The following UNC13C variants were observed in gnomAD, a reference collection of about 807,000 sequenced individuals.
UNC13C encodes unc-13 homolog C, also known as protein unc-13 homolog C.
UNC13C carries 174 observed loss-of-function variants against 245.4 expected under a neutral mutation model. That is an observed-to-expected ratio of 0.71 (90% CI 0.63 to 0.80). The LOEUF (loss-of-function observed/expected upper bound fraction) is 0.80. Among genes scored for constraint, UNC13C ranks in the 30% least tolerant of loss-of-function variants. The pLI, the probability that UNC13C is intolerant of heterozygous loss-of-function variation, is 0.00. For missense variants in UNC13C, 2,829 were observed against 2,602.9 expected, an observed-to-expected ratio of 1.09 and a Z score of -1.89; for synonymous variants, 992 against 895.1, an observed-to-expected ratio of 1.11 and a Z score of -1.93.
chr15:54,076,001 G>A (rs1898592682), intron 2 of UNC13C, among the ~76,000 whole-genome samples: 1 of 149,798 alleles, frequency 6.7e-6, no homozygotes, highest in East Asian at 2.0e-4. Context: ...TGATTGCAGT[G>A]CACTTCAGAA....
intron 2 of UNC13C, among the ~76,000 whole-genome samples, chr15:54,026,112 A>T (rs1318406289): frequency 6.6e-6 from 1 of 152,220 alleles, no homozygotes; most frequent in Non-Finnish European, 1.5e-5. Flanking sequence ...TTACTATCTG[A>T]GAGAAATGGA....
chr15:53,847,502 G>A, the UNC13C span, among the ~76,000 whole-genome samples: 2 of 150,426 alleles, frequency 1.3e-5, no homozygotes, highest in African/African-American at 2.4e-5. Flanking sequence ...GATTACAGGT[G>A]TCCACCACCA....
At chr15:54,015,995 G>A (rs753787726) in intron 2 of UNC13C, 109 bp downstream of exon 2, 11 of 953,540 alleles carry the variant, frequency 1.2e-5, no homozygotes, top group African/African-American at 1.7e-5. Context: ...TACTTGCAAT[G>A]ACTTTCCATG....
At chr15:54,220,586 T>TA (rs1567109868) in intron 4 of UNC13C, among the ~76,000 whole-genome samples, 1 of 150,818 alleles carries the variant, frequency 6.6e-6, no homozygotes, top group Non-Finnish European at 1.5e-5. Context: ...CCCTAAAACT[T>TA]AAAGTATAAT....
At chr15:54,170,807 C>T (rs887324065) in intron 4 of UNC13C, among the ~76,000 whole-genome samples, 1 of 152,064 alleles carries the variant, frequency 6.6e-6, no homozygotes, top group African/African-American at 2.4e-5. Context: ...CTCATTCTTT[C>T]GCAGATACCT....
intron 2 of UNC13C, among the ~76,000 whole-genome samples, chr15:54,130,078 T>A (rs926363793): frequency 7.8e-6 from 1 of 128,724 alleles, no homozygotes; most frequent in Non-Finnish European, 1.7e-5. Context: ...TTAGTTTTAA[T>A]TTTTATTAAT....
At chr15:53,969,706 TCGAA>T in the UNC13C span, among the ~76,000 whole-genome samples, 2 of 129,550 alleles carry the variant, frequency 1.5e-5, no homozygotes, top group Non-Finnish European at 3.4e-5. Context: ...AAAAAAAAAA[TCGAA>T]CGAACAAACA....
intron 2 of UNC13C, among the ~76,000 whole-genome samples, chr15:54,098,257 C>T (rs528370509): frequency 6.6e-6 from 1 of 152,250 alleles, no homozygotes; most frequent in South Asian, 2.1e-4. Context: ...TCACTGCAAC[C>T]TCTGCCTGCT....
chr15:54,147,789 C>CGTGCGTGTGTGTGT (rs1555423229), intron 4 of UNC13C, among the ~76,000 whole-genome samples: 12 of 147,476 alleles, frequency 8.1e-5, no homozygotes, highest in African/African-American at 3.0e-4. Flanking sequence ...AAGGTGTGTG[C>CGTGCGTGTGTGTGT]GTGTGTGTGT....
At chr15:54,586,858 A>G (rs1898519467) in intron 30 of UNC13C, among the ~76,000 whole-genome samples, 1 of 152,230 alleles carries the variant, frequency 6.6e-6, no homozygotes, top group African/African-American at 2.4e-5. Context: ...CATTCCTGAT[A>G]ATTTGGAAAG....
chr15:54,180,165 C>CTCT (rs1567073605), intron 4 of UNC13C, among the ~76,000 whole-genome samples: 1 of 151,800 alleles, frequency 6.6e-6, no homozygotes, highest in Admixed American at 6.6e-5. Context: ...TTCTCTTCTC[C>CTCT]GCTCTGATAG....
chr15:54,511,079 A>G (rs564524998), intron 23 of UNC13C, among the ~76,000 whole-genome samples: 1 of 152,284 alleles, frequency 6.6e-6, no homozygotes, highest in East Asian at 1.9e-4. Context: ...AAAGAGACAC[A>G]GCAGCATGTA....
intron 2 of UNC13C, among the ~76,000 whole-genome samples, chr15:54,065,446 A>C (rs937939879): frequency 6.6e-6 from 1 of 152,230 alleles, no homozygotes; most frequent in East Asian, 1.9e-4. Flanking sequence ...TGCTAAGGTG[A>C]CACAGAATAT....
intron 2 of UNC13C, among the ~76,000 whole-genome samples, chr15:54,039,415 G>T (rs1896721113): frequency 6.6e-6 from 1 of 152,068 alleles, no homozygotes; most frequent in East Asian, 1.9e-4. Context: ...ACATGCCATT[G>T]GTGTTGCATA....
At chr15:54,246,257 A>C (rs1277410116) in intron 7 of UNC13C, among the ~76,000 whole-genome samples, 1 of 152,194 alleles carries the variant, frequency 6.6e-6, no homozygotes, top group Non-Finnish European at 1.5e-5. Flanking sequence ...GGGTGTGAGC[A>C]TCCTCCCCAG....
At chr15:53,989,955 A>C (rs1023012763) in intron 1 of UNC13C, among the ~76,000 whole-genome samples, 3 of 151,918 alleles carry the variant, frequency 2.0e-5, no homozygotes, top group Admixed American at 2.0e-4. Context: ...ATGATTCCAT[A>C]TTTATGTTTC....
intron 12 of UNC13C, 96 bp from the exon 13 acceptor site, chr15:54,300,113 CA>C: frequency 1.8e-6 from 2 of 1,086,488 alleles, no homozygotes; most frequent in African/African-American, 1.6e-5. Flanking sequence ...ACATTAGAGG[CA>C]ATGACAGTGC....
intron 2 of UNC13C, among the ~76,000 whole-genome samples, chr15:54,069,125 T>A (rs1897027): frequency 0.23 from 35,263 of 152,066 alleles, 4,321 homozygotes; most frequent in Admixed American, 0.3. Context: ...GAAACAGATC[T>A]AAGATCTTGT....
intron 2 of UNC13C, among the ~76,000 whole-genome samples, chr15:54,128,615 C>T (rs1419676596): frequency 6.6e-6 from 1 of 152,108 alleles, no homozygotes; most frequent in African/African-American, 2.4e-5. Context: ...ATTAAAATCT[C>T]GTGTTTTAGC....
Sources: gnomAD v4.1 joint callset for allele counts (sites outside exome capture counted in the v4.1 genomes callset) on GRCh38, gnomAD v4.1.1 for gene constraint, MANE v1.5 for transcripts, NCBI Gene and HGNC (gene_info 2026-07-23, HGNC 2026-07-21) for gene names.